Variants in FSIP2 observed in about 807,000 individuals in gnomAD.
The protein encoded by FSIP2 is fibrous sheath-interacting protein 2.
Under a neutral mutation model 510.5 loss-of-function variants are expected in FSIP2, and 367 were observed. That is an observed-to-expected ratio of 0.72 (90% CI 0.66 to 0.78). The LOEUF is 0.78. FSIP2 is among the 30% of genes least tolerant of loss of function. The pLI is 0.00. For synonymous variants in FSIP2, 2,601 were observed against 2,732.2 expected, an observed-to-expected ratio of 0.95 and a Z score of 1.50; for missense variants, 7,594 against 7,901.7, an observed-to-expected ratio of 0.96 and a Z score of 1.48.
rs188198203 is a variant in FSIP2, at chr2:185,791,278, G to A, written c.4142G>A (p.Arg1381His). ...AHQRSISLSS[R>H]KPKSATDSVD... Reference sequence around the variant, plus strand: ...CAAAGAAGCATTTCACTCTCTTCTCGTAAGCCAAAGTCTGCAACTGACAGT... The same window carrying A: ...CAAAGAAGCATTTCACTCTCTTCTCATAAGCCAAAGTCTGCAACTGACAGT... The change falls in exon 16 of 23, where the codon CGT (arginine) becomes CAT (histidine). Residue 1381 changes from arginine (R) to histidine (H), a missense_variant. Coordinates refer to ENST00000424728, the MANE Select transcript of FSIP2 (RefSeq NM_173651.4). 9.8e-6 allele frequency: 15 copies of A among 1,534,002 alleles called. No individual in the cohort carries two copies. The East Asian group carries it at 1.7e-4, about 18-fold the overall frequency.
chr2:185,741,459 A>G (rs530543266), intron 2 of FSIP2, among the ~76,000 whole-genome samples: 1 of 152,356 alleles, frequency 6.6e-6, no homozygotes, highest in South Asian at 2.1e-4. Flanking sequence ...TTTACAGGTC[A>G]GGAGCTCAGG....
At position 185,804,634 on chromosome 2, in the gene FSIP2, A is replaced by G. The variant is rs1421828798; in HGVS notation, c.15328A>G (p.Ile5110Val). The G allele has an allele frequency of 5.9e-6, 9 of 1,533,112 alleles. No homozygotes were observed. The highest frequency in any genetic ancestry group is 7.9e-6 in the Non-Finnish European group (9 of 1,144,876). 95.0% of individuals were successfully genotyped at this position (1,533,112 alleles called of 1,614,324 possible). A position where few individuals can be genotyped will look rare whatever the true frequency, so the allele number is the denominator to read the frequency against. Residue 5110 changes from isoleucine (I) to valine (V), a missense_variant, in exon 17 of 23, where the codon ATT (isoleucine) becomes GTT (valine). Physicochemically the swap from Ile to Val is conservative, Grantham distance 29. Transcript: ENST00000424728. ...TKDSHALPPYITVLPHSLLED... is the reference protein window; with the variant it reads ...TKDSHALPPYVTVLPHSLLED... ...GGATAGCCATGCCTTGCCACCATAT[A>G]TTACTGTGTTGCCTCATTCTCTTTT...
chr2:185,739,757 T>C (rs988292431), intron 2 of FSIP2, among the ~76,000 whole-genome samples: 4 of 152,206 alleles, frequency 2.6e-5, no homozygotes, highest in Non-Finnish European at 5.9e-5. Flanking sequence ...TATACTTATA[T>C]AGTAAGATTT....
At position 185,744,330 on chromosome 2, in the gene FSIP2, T is replaced by A; in HGVS notation, c.396T>A (p.Cys132Ter). ...GYITSNNKVV[C>*]TLRELNKYRQ... ...TTCATTTTTGTTTGTAGGTTGTATG[T>A]ACCTTGAGAGAATTGAATAAGTACA... Residue 132 changes from cysteine to a stop codon, truncating the protein, a stop_gained, in exon 4 of 23, where the codon TGT (cysteine) becomes TGA (stop). Transcript: ENST00000424728. LOFTEE classifies it high-confidence loss of function. 8.7e-7 allele frequency: 1 copy of A among 1,150,456 alleles called. No homozygotes were observed. The highest frequency in any genetic ancestry group is 1.1e-6 in the Non-Finnish European group (1 of 884,280). 71.3% of individuals were successfully genotyped at this position (1,150,456 alleles called of 1,614,324 possible).
At chr2:185,825,671 AG>A (rs1352599531) in intron 20 of FSIP2, among the ~76,000 whole-genome samples, 6 of 151,732 alleles carry the variant, frequency 4.0e-5, no homozygotes, top group Admixed American at 1.3e-4. Context: ...GATCTTGCTT[AG>A]TTCTTATATC....
chr2:185,747,209 C>A, intron 6 of FSIP2, 104 bp from the exon 7 acceptor site: 1 of 634,096 alleles, frequency 1.6e-6, no homozygotes, highest in South Asian at 2.0e-5. Flanking sequence ...AACCTGATTT[C>A]TGTTAGGCCC....
In FSIP2 at chr2:185,814,036, G is replaced by T; in HGVS notation, c.20319G>T (p.Gln6773His). Residue 6773 changes from glutamine to histidine, a missense_variant, in exon 18 of 23, where the codon CAG becomes CAT. Physicochemically the swap from Gln to His is conservative, Grantham distance 24. Coordinates refer to ENST00000424728, the MANE Select transcript of FSIP2 (RefSeq NM_173651.4). ...TASSSWEEKP[Q>H]CKKEEKNLVT... Reference sequence around the variant, plus strand: ...CTTCATCTTGGGAGGAAAAGCCCCAGTGTAAGGTAAGTGATAAGCATGACT... The same window carrying T: ...CTTCATCTTGGGAGGAAAAGCCCCATTGTAAGGTAAGTGATAAGCATGACT... 1 of 1,610,272 alleles carries T rather than the reference G, an allele frequency of 6.2e-7. No individual in the cohort carries two copies. Among genetic ancestry groups the T allele is most frequent in the South Asian group, 1.1e-5 (1 of 90,656 alleles).
chr2:185,754,153 C>T (rs1279369461), intron 8 of FSIP2, among the ~76,000 whole-genome samples: 6 of 150,626 alleles, frequency 4.0e-5, no homozygotes, highest in Non-Finnish European at 8.9e-5. Flanking sequence ...CTATTATATA[C>T]CAACATGGTG....
intron 20 of FSIP2, among the ~76,000 whole-genome samples, chr2:185,826,725 T>C (rs1334591766): frequency 6.6e-6 from 1 of 151,858 alleles, no homozygotes; most frequent in Non-Finnish European, 1.5e-5. Context: ...ATTTTGTTTA[T>C]AGTAGATACA....
chr2:185,824,580 CTA>C, intron 20 of FSIP2, 100 bp downstream of exon 20: 1 of 727,648 alleles, frequency 1.4e-6, no homozygotes. Flanking sequence ...TTTATGTTTT[CTA>C]TGAGTTTATC....
Position 185,792,861 on chromosome 2 carries a change from G to T in FSIP2, c.5725G>T (p.Asp1909Tyr). The change falls in exon 16 of 23, where the codon GAC becomes TAC. Residue 1909 changes from aspartate (D) to tyrosine (Y), a missense_variant. Transcript: ENST00000424728. Reference sequence around the variant, plus strand: ...TTTTCAGTCTAGATTCAGCGTTGCTGACAAGGAGACAAAGGTAAATCTAGC... The same window carrying T: ...TTTTCAGTCTAGATTCAGCGTTGCTTACAAGGAGACAAAGGTAAATCTAGC... ...CTFQSRFSVADKETKVNLAED... is the reference protein window; with the variant it reads ...CTFQSRFSVAYKETKVNLAED... 6.5e-7 allele frequency: 1 copy of T among 1,534,328 alleles called. No homozygotes were observed. Among genetic ancestry groups the T allele is most frequent in the South Asian group, 1.2e-5 (1 of 84,018 alleles).
At position 185,797,144 on chromosome 2, in the gene FSIP2, T is replaced by G; in HGVS notation, c.10008T>G (p.Thr3336=). Residue 3336 remains threonine, a synonymous_variant, in exon 16 of 23, where the codon ACT becomes ACG. Transcript: ENST00000424728. ...TAGCTGCAGAAAATATTGTCAATAC[T>G]GTGCTATCCAGCTGTGGCTTTCCAA... ...ICLAAENIVN[T]VLSSCGFPSQ... is the part of the protein sequence containing the mutation. 1 of 1,534,996 alleles carries G rather than the reference T, an allele frequency of 6.5e-7. No individual in the cohort carries two copies. The highest frequency in any genetic ancestry group is 2.0e-5 in the Admixed American group (1 of 50,908).
Position 185,792,342 on chromosome 2 carries a change from A to G in FSIP2, c.5206A>G (p.Lys1736Glu). The G allele has an allele frequency of 2.0e-6, 3 of 1,529,026 alleles. No individual in the cohort carries two copies. The highest frequency in any genetic ancestry group is 1.2e-5 in the South Asian group (1 of 82,646). The allele number at this position is 1,529,026 out of a possible 1,614,324, so 94.7% of individuals were successfully genotyped here. The change falls in exon 16 of 23, where the codon AAA becomes GAA. Residue 1736 changes from lysine to glutamate, a missense_variant. Coordinates refer to ENST00000424728, the MANE Select transcript of FSIP2 (RefSeq NM_173651.4). ...FLEDDAYTAKKIIDERSPQRE... is the reference protein window; with the variant it reads ...FLEDDAYTAKEIIDERSPQRE... ...AGAAGATGATGCATATACAGCGAAA[A>G]AAATTATTGATGAGAGATCCCCACA...
chr2:185,769,634 C>T (rs1383241363), intron 13 of FSIP2, among the ~76,000 whole-genome samples: 4 of 152,146 alleles, frequency 2.6e-5, no homozygotes, highest in Non-Finnish European at 5.9e-5. Flanking sequence ...CAGTAGATCC[C>T]ATTTGTCAAT....
chr2:185,767,709 A>T (rs947685181), intron 13 of FSIP2, among the ~76,000 whole-genome samples: 11 of 152,094 alleles, frequency 7.2e-5, no homozygotes, highest in African/African-American at 2.7e-4. Context: ...ATCTACTTAG[A>T]CAGATAGATC....
Position 185,795,464 on chromosome 2 carries a change from T to C in FSIP2, c.8328T>C (p.Asn2776=). 9 of 1,534,874 alleles carry C rather than the reference T, an allele frequency of 5.9e-6. No homozygotes were observed. The highest frequency in any genetic ancestry group is 7.9e-6 in the Non-Finnish European group (9 of 1,146,104). Residue 2776 remains asparagine, a synonymous_variant, in exon 16 of 23, where the codon AAT becomes AAC. Transcript: ENST00000424728. ...DQIIAAGKIV[N]TVLQELYVTN... The stretch of plus-strand genomic sequence containing the variant: ...TCATAGCAGCAGGTAAAATAGTTAA[T>C]ACAGTTTTGCAAGAATTATATGTTA...
rs575736027 is a variant in FSIP2, at chr2:185,801,692, G to C, written c.12386G>C (p.Arg4129Thr). The C allele has an allele frequency of 2.0e-6, 3 of 1,526,998 alleles. No individual in the cohort carries two copies. The highest frequency in any genetic ancestry group is 2.8e-5 in the African/African-American group (2 of 72,460). 94.6% of individuals were successfully genotyped at this position (1,526,998 alleles called of 1,614,324 possible). Residue 4129 changes from arginine to threonine, a missense_variant, in exon 17 of 23, where the codon AGG becomes ACG. Transcript: ENST00000424728. ...CTAACAGAATTTACTTCTCTACCCA[G>C]GTCTTCATCAGACTATAGTACCATG... is the stretch of plus-strand genomic sequence containing the variant. ...SNLTEFTSLP[R>T]SSSDYSTMLS...
rs1693617463 is a variant in FSIP2 at position 185,807,624 on chromosome 2, AACCAG to A, written c.18319_18323del (p.Thr6107TrpfsTer11). 1.9e-6 allele frequency: 3 copies of A among 1,612,900 alleles called. No homozygotes were observed. The highest frequency in any genetic ancestry group is 2.5e-6 in the Non-Finnish European group (3 of 1,179,350). ...CACAAGAGATTATACAAAATTGTGTAACCAGTGGATGCAAAATCCTTTCAGAAAAC... is the reference window on the plus strand; with the variant it reads ...CACAAGAGATTATACAAAATTGTGTATGGATGCAAAATCCTTTCAGAAAAC... On this transcript the variant is annotated frameshift_variant, in exon 17 of 23. Coordinates refer to ENST00000424728, the MANE Select transcript of FSIP2 (RefSeq NM_173651.4). LOFTEE classifies it high-confidence loss of function.
At position 185,792,449 on chromosome 2, in the gene FSIP2, A is replaced by T; in HGVS notation, c.5313A>T (p.Glu1771Asp). The T allele has an allele frequency of 6.5e-7, 1 of 1,532,382 alleles. No individual in the cohort carries two copies. The highest frequency in any genetic ancestry group is 1.2e-5 in the South Asian group (1 of 83,934). 94.9% of individuals were successfully genotyped at this position (1,532,382 alleles called of 1,614,324 possible). ...ACAAAATTGAAGTAAAACTCAAAGA[A>T]CCACATATATCTCCAATTGCTCCCA... ...TLNKIEVKLK[E>D]PHISPIAPII... Residue 1771 changes from glutamate to aspartate, a missense_variant, in exon 16 of 23, where the codon GAA (glutamate) becomes GAT (aspartate). Glu to Asp is a conservative substitution (Grantham distance 45). Transcript: ENST00000424728.
Sources: gnomAD v4.1 joint callset for allele counts (sites outside exome capture counted in the v4.1 genomes callset) on GRCh38, gnomAD v4.1.1 for gene constraint, MANE v1.5 for transcripts, NCBI Gene and HGNC (gene_info 2026-07-23, HGNC 2026-07-21) for gene names.